THSD4: variants seen among roughly 807,000 people sequenced by gnomAD.
THSD4 encodes the protein thrombospondin type 1 domain containing 4, also known as thrombospondin type-1 domain-containing protein 4.
In THSD4, 69 loss-of-function variants were observed where a neutral mutation model predicts 119.0. The observed-to-expected ratio is 0.58, with a 90% CI of 0.48 to 0.71. The LOEUF is 0.71. THSD4 is among the 30% of genes least tolerant of loss of function. THSD4 has a pLI of 0.00. For missense variants in THSD4, 1,393 were observed against 1,391.1 expected (o/e 1.00, Z -0.02); for synonymous variants, 524 against 540.4 (o/e 0.97, Z 0.42).
chr15:71,560,878 C>T (rs549772934), intron 7 of THSD4, among the ~76,000 whole-genome samples: 2 of 152,098 alleles, frequency 1.3e-5, no homozygotes, highest in African/African-American at 4.8e-5. Context: ...GGAGAAAGTC[C>T]ATGAGCTTTC....
intron 6 of THSD4, among the ~76,000 whole-genome samples, chr15:71,285,658 AG>A (rs1246113049): frequency 1.3e-5 from 2 of 152,144 alleles, no homozygotes; most frequent in Admixed American, 6.5e-5. Context: ...GATTGAGACC[AG>A]TCTGGCCAAT....
At chr15:71,244,015 G>A (rs1313710102) in intron 5 of THSD4, among the ~76,000 whole-genome samples, 1 of 151,122 alleles carries the variant, frequency 6.6e-6, no homozygotes, top group Non-Finnish European at 1.5e-5. Flanking sequence ...TCGATCTCTT[G>A]ACCTTGTGAT....
chr15:71,235,892 A>G lies in THSD4; in HGVS notation c.465-6757A>G, dbSNP rs949371030. Among the ~76,000 whole-genome samples the G allele has an allele frequency of 1.8e-4, 27 of 152,246 alleles. 1 individual carries two copies. The highest frequency in any genetic ancestry group is 1.5e-3 in the Admixed American group (23 of 15,294). On this transcript the variant is annotated intron_variant, in intron 4 of 17. Coordinates refer to ENST00000261862, the MANE Select transcript of THSD4 (RefSeq NM_024817.3). ...GGGTGTGAGCCACCATGCTGGCTGG[A>G]ATGCCACCGCTCTTAATGCTATAAA...
intron 7 of THSD4, among the ~76,000 whole-genome samples, chr15:71,579,162 T>C (rs183332156): frequency 6.6e-6 from 1 of 152,332 alleles, no homozygotes; most frequent in East Asian, 1.9e-4. Flanking sequence ...GCAGTAATTA[T>C]GTTTTCAGTT....
At position 71,416,348 on chromosome 15, in the gene THSD4, TA is replaced by T. The variant is rs1453365782; in HGVS notation, c.1152+4526del. Reference sequence around the variant, plus strand: ...ATTTCTTTTCTTTGGGGTATATGCCTACCAGTGAGACTGCTGGATCACAGGG... The same window carrying T: ...ATTTCTTTTCTTTGGGGTATATGCCTCCAGTGAGACTGCTGGATCACAGGG... On this transcript the variant is annotated intron_variant, in intron 7 of 17. Transcript: ENST00000261862. Among the ~76,000 whole-genome samples, 2 of 111,598 alleles carry T rather than the reference TA, an allele frequency of 1.8e-5. 1 individual carries two copies. Among genetic ancestry groups the T allele is most frequent in the Non-Finnish European group, 4.0e-5 (2 of 49,980 alleles). 73.2% of individuals were successfully genotyped at this position (111,598 alleles called of 152,430 possible).
intron 9 of THSD4, chr15:71,730,912 G>A (rs1040800451): frequency 3.0e-5 from 16 of 534,448 alleles, no homozygotes; most frequent in Non-Finnish European, 4.7e-5. Flanking sequence ...TGATTTGCTC[G>A]GCCTAAGTTC....
chr15:71,709,254 A>T (rs113236678), intron 8 of THSD4, among the ~76,000 whole-genome samples: 3,304 of 152,332 alleles, frequency 0.022, 59 homozygotes, highest in Non-Finnish European at 0.033. Context: ...AATTGCCTAC[A>T]GGTTCTGCTG....
chr15:71,344,211 G>GT (rs1394934870), intron 6 of THSD4, among the ~76,000 whole-genome samples: 1 of 151,830 alleles, frequency 6.6e-6, no homozygotes, highest in East Asian at 1.9e-4. Flanking sequence ...ACTAAATTTT[G>GT]TTTTTGTATT....
At chr15:71,388,585 A>T (rs928993283) in intron 6 of THSD4, among the ~76,000 whole-genome samples, 1 of 151,910 alleles carries the variant, frequency 6.6e-6, no homozygotes, top group Non-Finnish European at 1.5e-5. Context: ...CTGGTAGGAG[A>T]TCATCTCAGC....
chr15:71,482,235 G>A (rs1224665785), intron 7 of THSD4, among the ~76,000 whole-genome samples: 1 of 151,772 alleles, frequency 6.6e-6, no homozygotes, highest in Non-Finnish European at 1.5e-5. Context: ...GGCTCCTGTG[G>A]CTCCAGCCAT....
intron 6 of THSD4, among the ~76,000 whole-genome samples, chr15:71,409,271 G>C (rs117193529): frequency 6.6e-6 from 1 of 152,068 alleles, no homozygotes; most frequent in South Asian, 2.1e-4. Flanking sequence ...GCCAAGAGAA[G>C]TGAGGACCCA....
chr15:71,344,596 A>G (rs574502855), intron 6 of THSD4, among the ~76,000 whole-genome samples: 15 of 152,268 alleles, frequency 9.9e-5, no homozygotes, highest in African/African-American at 3.4e-4. Context: ...CACAGTACTC[A>G]GCACTGTGCC....
At position 71,782,091 on chromosome 15, in the gene THSD4, C is replaced by T. The variant is rs149054711; in HGVS notation, c.*4717C>T. The T allele has an allele frequency of 6.6e-6, 1 of 152,240 alleles. No homozygotes were observed. The highest frequency in any genetic ancestry group is 1.5e-5 in the Non-Finnish European group (1 of 68,076). 9.4% of individuals were successfully genotyped at this position (152,240 alleles called of 1,614,324 possible). A position where few individuals can be genotyped will look rare whatever the true frequency, so the allele number is the denominator to read the frequency against. On this transcript the variant is annotated 3_prime_UTR_variant, in exon 18 of 18. Transcript: ENST00000261862. The stretch of plus-strand genomic sequence containing the variant: ...ATGGGGGGCTGCCTGCCCAGGGTCT[C>T]TCACCGTGGTGTAAGCAGAGCCATG...
intron 3 of THSD4, among the ~76,000 whole-genome samples, chr15:71,197,322 G>T (rs1157585569): frequency 1.3e-5 from 2 of 152,220 alleles, no homozygotes; most frequent in Non-Finnish European, 2.9e-5. Flanking sequence ...CCTGCCAGAT[G>T]CAGGGAAGCC....
rs559004620 is a variant in THSD4, at chr15:71,388,921, G to T, written c.1016-22766G>T. On this transcript the variant is annotated intron_variant, in intron 6 of 17. Transcript: ENST00000261862. ...GGGAGATAATTGAGTCATGGGGGTG[G>T]TTCCCCCATACTGTTCTCATGGTAG... Among the ~76,000 whole-genome samples the T allele has an allele frequency of 1.3e-4, 20 of 152,198 alleles. No individual in the cohort carries two copies. In the East Asian group the frequency reaches 3.9e-3, roughly 29 times the overall value.
At chr15:71,313,432 GTATTT>G (rs2045140202) in intron 6 of THSD4, among the ~76,000 whole-genome samples, 1 of 152,146 alleles carries the variant, frequency 6.6e-6, no homozygotes, top group Admixed American at 6.5e-5. Flanking sequence ...TGGTACTTTT[GTATTT>G]TATTTTTTGA....
At chr15:71,426,568 T>C (rs911149778) in intron 7 of THSD4, among the ~76,000 whole-genome samples, 1 of 152,200 alleles carries the variant, frequency 6.6e-6, no homozygotes, top group Non-Finnish European at 1.5e-5. Flanking sequence ...TTTAGTCCAA[T>C]GAAACCAAGA....
intron 6 of THSD4, among the ~76,000 whole-genome samples, chr15:71,288,350 C>A (rs1048501745): frequency 6.6e-6 from 1 of 152,182 alleles, no homozygotes; most frequent in Non-Finnish European, 1.5e-5. Flanking sequence ...TGTGAATAAA[C>A]TATTCTTTCA....
At chr15:71,461,445 G>A (rs1032077509) in intron 7 of THSD4, among the ~76,000 whole-genome samples, 2 of 152,144 alleles carry the variant, frequency 1.3e-5, no homozygotes, top group Non-Finnish European at 2.9e-5. Flanking sequence ...TTATAGAAGG[G>A]CATGAACACC....
Sources: gnomAD v4.1 joint callset for allele counts (sites outside exome capture counted in the v4.1 genomes callset) on GRCh38, gnomAD v4.1.1 for gene constraint, MANE v1.5 for transcripts, NCBI Gene and HGNC (gene_info 2026-07-23, HGNC 2026-07-21) for gene names.